The following NIT1 variants were observed in gnomAD, a reference collection of about 807,000 sequenced individuals.
NIT1 encodes the protein nitrilase 1.
A neutral mutation model predicts 36.8 loss-of-function variants in NIT1; 30 were observed. That is an observed-to-expected ratio of 0.82 (90% confidence interval 0.61 to 1.11). The LOEUF (loss-of-function observed/expected upper bound fraction) is 1.11. Among genes scored for constraint, NIT1 ranks in the 50% least tolerant of loss-of-function variants. NIT1 has a pLI of 0.00. For synonymous variants in NIT1, 151 were observed against 155.6 expected, an observed-to-expected ratio of 0.97 and a Z score of 0.22; for missense variants, 438 against 410.6, an observed-to-expected ratio of 1.07 and a Z score of -0.58.
At chr1:161,118,705 G>C in intron 1 of NIT1, 81 bp from the exon 2 acceptor site, 1 of 1,471,516 alleles carries the variant, frequency 6.8e-7, no homozygotes, top group Non-Finnish European at 9.5e-7. Flanking sequence ...CAGGCTCACA[G>C]TATAAAGAGA....
chr1:161,121,261 A>C, downstream of NIT1: 1 of 869,560 alleles, frequency 1.2e-6, no homozygotes, highest in Non-Finnish European at 1.4e-6. Context: ...GGGGAAGGAA[A>C]AAGGAATTAC....
chr1:161,123,721 T>C (rs1209104202), downstream of NIT1: 2 of 849,596 alleles, frequency 2.4e-6, no homozygotes, highest in African/African-American at 3.4e-5. Flanking sequence ...TTTTTTTTTA[T>C]GGGGCAAGAT....
At position 161,119,957 on chromosome 1, in the gene NIT1, G is replaced by A. The variant is rs1571204974; in HGVS notation, c.591+5G>A. ...GTCAGCACACCAGCAGGCAAGGTAG[G>A]AGTTGTGAAAGGATGAGGGAGGGGA... On this transcript the variant is annotated splice_donor_5th_base_variant and intron_variant, in intron 5 of 6. Coordinates refer to ENST00000368009, the MANE Select transcript of NIT1 (RefSeq NM_005600.3). 4 of 1,607,476 alleles carry A rather than the reference G, an allele frequency of 2.5e-6. No homozygotes were observed. The highest frequency in any genetic ancestry group is 4.5e-5 in the East Asian group (2 of 44,850).
rs1262469592 is a variant in NIT1 at position 161,120,587 on chromosome 1, A to G, written c.806A>G (p.Tyr269Cys). The G allele has an allele frequency of 2.5e-6, 4 of 1,614,204 alleles. No homozygotes were observed. Among genetic ancestry groups the G allele is most frequent in the South Asian group, 1.1e-5 (1 of 91,078 alleles). Residue 269 changes from tyrosine (Y) to cysteine (C), a missense_variant, in exon 7 of 7, where the codon TAT becomes TGT. Physicochemically the swap from Tyr to Cys is radical, Grantham distance 194. Transcript: ENST00000368009. ...CGCCACCATGAGAAGAGAGCAAGTTATGGCCACAGCATGGTGGTAGACCCC... is the reference window on the plus strand; with the variant it reads ...CGCCACCATGAGAAGAGAGCAAGTTGTGGCCACAGCATGGTGGTAGACCCC... ...CGRHHEKRAS[Y>C]GHSMVVDPWG...
chr1:161,119,876 A>AG lies in NIT1; in HGVS notation c.519dup (p.Pro174AlafsTer4), dbSNP rs754947728. On this transcript the variant is annotated frameshift_variant, in exon 5 of 7. Transcript: ENST00000368009. LOFTEE classifies it high-confidence loss of function. ...CTGTGTGACGTAGAGATTCCAGGGC[A>AG]GGGGCCTATGTGTGAAAGCAACTCT... 6.2e-7 allele frequency: 1 copy of AG among 1,613,254 alleles called. No homozygotes were observed. Among genetic ancestry groups the AG allele is most frequent in the Non-Finnish European group, 8.5e-7 (1 of 1,179,784 alleles).
At chr1:161,123,196 A>G (rs756139518), downstream of NIT1, 18 of 1,614,092 alleles carry the variant, frequency 1.1e-5, no homozygotes, top group African/African-American at 1.3e-5. Context: ...AAGTGGGGCA[A>G]CACACCACAG....
downstream of NIT1, chr1:161,121,230 G>GAA: frequency 2.1e-6 from 2 of 974,422 alleles, no homozygotes; most frequent in Non-Finnish European, 2.5e-6. Context: ...AAGCATGGGA[G>GAA]TGGGCGTAGG....
chr1:161,119,215 G>C lies in NIT1; in HGVS notation c.180G>C (p.Lys60Asn). The C allele has an allele frequency of 6.2e-7, 1 of 1,614,198 alleles. No homozygotes were observed. The highest frequency in any genetic ancestry group is 1.3e-5 in the African/African-American group (1 of 75,052). The change falls in exon 3 of 7, where the codon AAG (lysine) becomes AAC (asparagine). Residue 60 changes from lysine to asparagine, a missense_variant. Lys to Asn is a moderately conservative substitution (Grantham distance 94). Transcript: ENST00000368009. ...AVCQVTSTPD[K>N]QQNFKTCAEL... ...GCCAGGTAACATCGACGCCAGACAA[G>C]CAACAGAACTTTAAAACATGTGCTG...
At chr1:161,122,110 G>C, downstream of NIT1, 2 of 1,605,430 alleles carry the variant, frequency 1.2e-6, no homozygotes, top group South Asian at 2.2e-5. This position sits in a 1 kb window ranked among gnomAD's most constrained non-coding sequence, Gnocchi z 4.2. Context: ...AGAGGTGGGT[G>C]ATGGGAACAG....
chr1:161,124,483 A>G (rs377378776), downstream of NIT1: 1 of 1,584,554 alleles, frequency 6.3e-7, no homozygotes, highest in Admixed American at 1.7e-5. Flanking sequence ...CAGGTACGCA[A>G]TGCTTTCCAG....
downstream of NIT1, chr1:161,122,204 GTCC>G (rs1262577401): frequency 6.2e-7 from 1 of 1,614,042 alleles, no homozygotes; most frequent in African/African-American, 1.3e-5. The surrounding 1 kb of genome is among the most constrained non-coding windows in gnomAD (Gnocchi z 4.2). Flanking sequence ...CCAGCTCATA[GTCC>G]TCCTCGTCTA....
chr1:161,121,102 G>A lies in NIT1; in HGVS notation c.*337G>A, dbSNP rs1271312806. On this transcript the variant is annotated 3_prime_UTR_variant, in exon 7 of 7. Transcript: ENST00000368009. ...ACATCGCCTTTGGGAACTAGAAGGG[G>A]AGTTGGTATTGTACCAGCTGGACTA... 2.6e-6 allele frequency: 3 copies of A among 1,151,278 alleles called. No individual in the cohort carries two copies. The highest frequency in any genetic ancestry group is 3.2e-6 in the Non-Finnish European group (3 of 927,526). The allele number at this position is 1,151,278 out of a possible 1,614,324, so 71.3% of individuals were successfully genotyped here. A position where few individuals can be genotyped will look rare whatever the true frequency, so the allele number is the denominator to read the frequency against.
At chr1:161,120,287 C>T (rs76729621) in intron 6 of NIT1, 55 bp downstream of exon 6, 15 of 1,598,280 alleles carry the variant, frequency 9.4e-6, no homozygotes, top group Non-Finnish European at 1.0e-5. Context: ...CATCTTCCCC[C>T]CTTGGCCCTA....
downstream of NIT1, chr1:161,124,646 A>G: frequency 1.6e-6 from 2 of 1,274,398 alleles, no homozygotes; most frequent in Non-Finnish European, 2.0e-6. Context: ...CATGTTTATT[A>G]AATTTTTGAA....
chr1:161,123,721 TGGG>T, downstream of NIT1: 2 of 849,736 alleles, frequency 2.4e-6, no homozygotes, highest in Non-Finnish European at 1.8e-6. Flanking sequence ...TTTTTTTTTA[TGGG>T]GCAAGATGTG....
intron 1 of NIT1, chr1:161,118,470 C>T: frequency 2.6e-6 from 4 of 1,536,160 alleles, no homozygotes; most frequent in African/African-American, 1.4e-5. Context: ...AGGAGAGAGT[C>T]TTGGGAAAAC....
chr1:161,120,550 GCA>G lies in NIT1; in HGVS notation c.772_773del (p.Gln258ValfsTer6), dbSNP rs749380684. On this transcript the variant is annotated frameshift_variant, in exon 7 of 7. Coordinates refer to ENST00000368009, the MANE Select transcript of NIT1 (RefSeq NM_005600.3). LOFTEE classifies it high-confidence loss of function. The stretch of plus-strand genomic sequence containing the variant: ...AACCCAGTGCTATGTAGTGGCAGCA[GCA>G]CAGTGTGGACGCCACCATGAGAAGA... ...IETQCYVVAA[A>X]QCGRHHEKRA... is the part of the protein sequence containing the mutation. The G allele has an allele frequency of 8.1e-6, 13 of 1,614,088 alleles. No homozygotes were observed. In the East Asian group the frequency reaches 8.9e-5, roughly 11 times the overall value.
At chr1:161,123,635 CAAAA>C (rs35678373), downstream of NIT1, among the ~76,000 whole-genome samples, 5 of 88,940 alleles carry the variant, frequency 5.6e-5, no homozygotes, top group Admixed American at 2.3e-4. Flanking sequence ...GACTCTGTCT[CAAAA>C]AAAAAAAAAA....
chr1:161,123,738 G>A (rs1275522093), downstream of NIT1: 22 of 1,032,204 alleles, frequency 2.1e-5, no homozygotes, highest in African/African-American at 6.5e-5. Context: ...AGATGTGGGC[G>A]CACAGCATCC....
Sources: gnomAD v4.1 joint callset for allele counts (sites outside exome capture counted in the v4.1 genomes callset) on GRCh38, gnomAD v4.1.1 for gene constraint, Gnocchi (gnomAD v3.1) non-coding constraint, MANE v1.5 for transcripts, NCBI Gene and HGNC (gene_info 2026-07-23, HGNC 2026-07-21) for gene names.